Variants in LRP1B observed in about 807,000 individuals in gnomAD.
The protein encoded by LRP1B is low-density lipoprotein receptor-related protein 1B.
LRP1B carries 217 observed loss-of-function variants against 556.6 expected under a neutral mutation model. The ratio of observed to expected loss-of-function variants is 0.39; its 90% CI spans 0.35 to 0.44. LRP1B has a LOEUF of 0.44. Among genes scored for constraint, LRP1B ranks in the 20% least tolerant of loss-of-function variants. LRP1B has a pLI of 1.00. For synonymous variants in LRP1B, 2,047 were observed against 1,865.8 expected (o/e 1.10, Z -2.50); for missense variants, 5,053 against 5,620.8 (o/e 0.90, Z 3.23).
intron 7 of LRP1B, among the ~76,000 whole-genome samples, chr2:141,178,993 C>T (rs77260042): frequency 0.051 from 7,783 of 151,868 alleles, 238 homozygotes; most frequent in African/African-American, 0.08. Context: ...TACTAAATAC[C>T]GTTGTTATAA....
At chr2:141,552,458 G>A (rs1223759809) in intron 2 of LRP1B, among the ~76,000 whole-genome samples, 1 of 151,934 alleles carries the variant, frequency 6.6e-6, no homozygotes, top group Non-Finnish European at 1.5e-5. Context: ...TTCATTTTAA[G>A]TAATAGTAAA....
At chr2:141,150,869 T>TTGTGTGTGTGTGTGTGTGTGTG (rs56107003) in intron 7 of LRP1B, among the ~76,000 whole-genome samples, 76 of 138,712 alleles carry the variant, frequency 5.5e-4, no homozygotes, top group African/African-American at 1.8e-3. Context: ...TCATGCTGGT[T>TTGTGTGTGTGTGTGTGTGTGTG]TGTGTGTGTG....
intron 41 of LRP1B, among the ~76,000 whole-genome samples, chr2:140,653,280 G>C (rs1335316805): frequency 6.6e-6 from 1 of 151,944 alleles, no homozygotes; most frequent in African/African-American, 2.4e-5. Context: ...TACTTTTCAG[G>C]AATAACAAGT....
intron 5 of LRP1B, among the ~76,000 whole-genome samples, chr2:141,234,755 T>G (rs1314755384): frequency 6.6e-6 from 1 of 151,828 alleles, no homozygotes; most frequent in African/African-American, 2.4e-5. Flanking sequence ...TAACAGAAAA[T>G]TATGTAGTTT....
Position 140,478,801 on chromosome 2 carries a change from A to T in LRP1B, c.9426-3464T>A, listed in dbSNP as rs1467713568. ...TCTCACAGGGTCACTGTGAGTATTA[A>T]ATGAGAGAATATATGAAACAAACGT... On this transcript the variant is annotated intron_variant, in intron 59 of 90. Coordinates refer to ENST00000389484, the MANE Select transcript of LRP1B (RefSeq NM_018557.3). 4.6e-5 allele frequency among the ~76,000 whole-genome samples: 7 copies of T among 152,232 alleles called. 1 individual carries two copies. Among genetic ancestry groups the T allele is most frequent in the East Asian group, 3.9e-4 (2 of 5,158 alleles).
At chr2:140,976,475 A>G (rs1467682494) in intron 18 of LRP1B, among the ~76,000 whole-genome samples, 3 of 109,624 alleles carry the variant, frequency 2.7e-5, no homozygotes, top group Non-Finnish European at 4.0e-5. Context: ...TTTTATTTCT[A>G]CTCCATTGAA....
chr2:140,949,134 T>C (rs1477482919), intron 20 of LRP1B, among the ~76,000 whole-genome samples: 3 of 152,194 alleles, frequency 2.0e-5, no homozygotes, highest in Non-Finnish European at 4.4e-5. Flanking sequence ...ATAAATTACT[T>C]TGTTGCTTGT....
chr2:141,015,064 G>A (rs1196125935), intron 13 of LRP1B, among the ~76,000 whole-genome samples: 16 of 151,980 alleles, frequency 1.1e-4, no homozygotes, highest in African/African-American at 3.1e-4. Context: ...TCAGTTATTG[G>A]TGTTATTTGT....
At chr2:141,505,043 T>G (rs1294813769) in intron 2 of LRP1B, among the ~76,000 whole-genome samples, 3 of 151,988 alleles carry the variant, frequency 2.0e-5, no homozygotes, top group Non-Finnish European at 4.4e-5. Flanking sequence ...TATCACAATT[T>G]TGAATAATAC....
At chr2:140,675,184 T>C (rs775811185) in intron 41 of LRP1B, among the ~76,000 whole-genome samples, 11 of 152,254 alleles carry the variant, frequency 7.2e-5, no homozygotes, top group Admixed American at 4.6e-4. Flanking sequence ...ATTTCCCTTA[T>C]TTAAAATCAT....
chr2:141,658,823 G>A (rs931619056), intron 2 of LRP1B, among the ~76,000 whole-genome samples: 1 of 152,172 alleles, frequency 6.6e-6, no homozygotes, highest in African/African-American at 2.4e-5. Context: ...TATAAAAGAT[G>A]AATTGGAACC....
intron 5 of LRP1B, among the ~76,000 whole-genome samples, chr2:141,232,558 T>C (rs1231729517): frequency 6.6e-6 from 1 of 152,142 alleles, no homozygotes; most frequent in African/African-American, 2.4e-5. Context: ...TGCAAATGGG[T>C]TCATGGTTAA....
chr2:141,072,702 T>C (rs1699680613), intron 7 of LRP1B, among the ~76,000 whole-genome samples: 1 of 151,968 alleles, frequency 6.6e-6, no homozygotes, highest in African/African-American at 2.4e-5. Context: ...TCTCATTCCT[T>C]CTCCATTGTC....
chr2:141,194,638 A>G (rs559338253), intron 6 of LRP1B, among the ~76,000 whole-genome samples: 2 of 152,248 alleles, frequency 1.3e-5, no homozygotes, highest in African/African-American at 4.8e-5. Context: ...ACCAAGGGCC[A>G]CTAGTGTGAT....
intron 6 of LRP1B, among the ~76,000 whole-genome samples, chr2:141,192,138 G>C (rs1681542249): frequency 6.6e-6 from 1 of 152,022 alleles, no homozygotes; most frequent in East Asian, 1.9e-4. Flanking sequence ...TATAGTTGAA[G>C]TGTCTGCTTT....
chr2:141,045,438 T>A (rs72849584), intron 11 of LRP1B, among the ~76,000 whole-genome samples: 27,669 of 78,908 alleles, frequency 0.35, 2,684 homozygotes, highest in South Asian at 0.45. Context: ...ATAAATAAAT[T>A]AATTAATTAA....
Position 140,358,851 on chromosome 2 carries a change from C to T in LRP1B, c.11227G>A (p.Gly3743Ser), listed in dbSNP as rs150879175. ...EQMCNGIDECGDNSDEDHCGG... is the reference protein window; with the variant it reads ...EQMCNGIDECSDNSDEDHCGG... Reference sequence around the variant, plus strand: ...CAGTGATCTTCATCTGAATTGTCACCGCATTCATCAATCCCATTGCACATT... The same window carrying T: ...CAGTGATCTTCATCTGAATTGTCACTGCATTCATCAATCCCATTGCACATT... The change falls in exon 73 of 91, where the codon GGT becomes AGT. Residue 3743 changes from glycine (G) to serine (S), a missense_variant. Coordinates refer to ENST00000389484, the MANE Select transcript of LRP1B (RefSeq NM_018557.3). 12,303 of 1,608,704 alleles carry T rather than the reference C, an allele frequency of 7.6e-3. 67 individuals are homozygous for T. The highest frequency in any genetic ancestry group is 9.5e-3 in the Middle Eastern group (57 of 6,030).
intron 1 of LRP1B, among the ~76,000 whole-genome samples, chr2:142,017,748 G>A (rs956354354): frequency 7.9e-5 from 12 of 152,058 alleles, no homozygotes; most frequent in South Asian, 4.2e-4. Context: ...TTAGCCGGGC[G>A]TGGTGGCACG....
At chr2:141,412,352 C>A (rs1350238906) in intron 3 of LRP1B, among the ~76,000 whole-genome samples, 1 of 152,158 alleles carries the variant, frequency 6.6e-6, no homozygotes, top group Non-Finnish European at 1.5e-5. Flanking sequence ...TCTTTTCCCA[C>A]CTGCAGTTTC....
Sources: gnomAD v4.1 joint callset for allele counts (sites outside exome capture counted in the v4.1 genomes callset) on GRCh38, gnomAD v4.1.1 for gene constraint, MANE v1.5 for transcripts, NCBI Gene and HGNC (gene_info 2026-07-23, HGNC 2026-07-21) for gene names.